The following NUMB variants were observed in gnomAD, a reference collection of about 807,000 sequenced individuals.
The protein encoded by NUMB is NUMB endocytic adaptor protein, also known as protein numb homolog.
NUMB carries 29 observed loss-of-function variants against 59.7 expected under a neutral mutation model. That is an observed-to-expected ratio of 0.49 (90% CI 0.36 to 0.66). NUMB has a LOEUF of 0.66. NUMB is among the 30% of genes least tolerant of loss of function. The pLI, the probability that NUMB is intolerant of heterozygous loss-of-function variation, is 0.00. For synonymous variants in NUMB, 288 were observed against 288.2 expected (o/e 1.00, Z 0.01); for missense variants, 723 against 822.0 (o/e 0.88, Z 1.47).
chr14:73,416,347 T>TA (rs1555380759), intron 1 of NUMB, among the ~76,000 whole-genome samples: 1 of 151,334 alleles, frequency 6.6e-6, no homozygotes, highest in Non-Finnish European at 1.5e-5. Context: ...TTTTTTTTTT[T>TA]ACTAGAATCA....
chr14:73,393,104 G>A (rs549332573), intron 2 of NUMB, among the ~76,000 whole-genome samples: 69 of 152,200 alleles, frequency 4.5e-4, no homozygotes, highest in Non-Finnish European at 3.2e-4. Flanking sequence ...AAGTTGAGAA[G>A]TTGAAAGGAA....
intron 4 of NUMB, among the ~76,000 whole-genome samples, chr14:73,332,983 A>C (rs1340985088): frequency 3.3e-5 from 5 of 152,244 alleles, no homozygotes; most frequent in South Asian, 2.1e-4. Flanking sequence ...TGTATGTACC[A>C]CAATTTTGTT....
intron 4 of NUMB, among the ~76,000 whole-genome samples, chr14:73,324,560 G>A (rs2036500033): frequency 6.6e-6 from 1 of 151,934 alleles, no homozygotes; most frequent in Non-Finnish European, 1.5e-5. Flanking sequence ...TGCACCTGGG[G>A]AATTGAGGTG....
chr14:73,287,829 G>C, intron 8 of NUMB, among the ~76,000 whole-genome samples: 1 of 152,190 alleles, frequency 6.6e-6, no homozygotes, highest in Non-Finnish European at 1.5e-5. Flanking sequence ...GGGGTAAAGT[G>C]ATAACCAGCA....
At chr14:73,399,213 T>C (rs576301152) in intron 2 of NUMB, among the ~76,000 whole-genome samples, 1 of 152,314 alleles carries the variant, frequency 6.6e-6, no homozygotes, top group East Asian at 1.9e-4. Flanking sequence ...CTTACTTACA[T>C]TAAGCATATT....
intron 1 of NUMB, among the ~76,000 whole-genome samples, chr14:73,422,331 A>T (rs1897384579): frequency 6.6e-6 from 1 of 152,008 alleles, no homozygotes; most frequent in Admixed American, 6.6e-5. Context: ...AGATCCAAAC[A>T]CGTCATAGTA....
chr14:73,361,471 AC>A (rs1182793074), intron 3 of NUMB, among the ~76,000 whole-genome samples: 3 of 150,790 alleles, frequency 2.0e-5, no homozygotes, highest in African/African-American at 7.3e-5. Context: ...TTTTTTTTTA[AC>A]TTTTATTTTC....
chr14:73,357,628 T>C (rs1893871608), intron 3 of NUMB, among the ~76,000 whole-genome samples: 1 of 151,784 alleles, frequency 6.6e-6, no homozygotes, highest in African/African-American at 2.4e-5. Flanking sequence ...TTGGGCGTGG[T>C]GGCACGCACC....
chr14:73,344,239 CATA>C (rs1892792110), intron 4 of NUMB, among the ~76,000 whole-genome samples: 1 of 152,078 alleles, frequency 6.6e-6, no homozygotes, highest in South Asian at 2.1e-4. Flanking sequence ...TCTAATTTGG[CATA>C]ATACTTTGCA....
Position 73,445,354 on chromosome 14 carries a change from C to CAAAAAA in NUMB, c.-233+13133_-233+13138dup, listed in dbSNP as rs752154048. ...TGAGTGACAAAGTGAGACCCTGTCT[C>CAAAAAA]AAAAAAAAAAAAAAAAAAAAAAAAA... On this transcript the variant is annotated intron_variant, in intron 1 of 12. Coordinates refer to ENST00000555238, the MANE Select transcript of NUMB (RefSeq NM_001005743.2). Among the ~76,000 whole-genome samples the CAAAAAA allele has an allele frequency of 2.2e-3, 129 of 57,556 alleles. 14 individuals carry two copies. The highest frequency in any genetic ancestry group is 4.8e-3 in the East Asian group (4 of 830). 37.8% of individuals were successfully genotyped at this position (57,556 alleles called of 152,430 possible).
chr14:73,283,841 T>C (rs553350603), intron 10 of NUMB, among the ~76,000 whole-genome samples: 28 of 152,324 alleles, frequency 1.8e-4, no homozygotes, highest in Admixed American at 6.5e-4. Context: ...ACAAATCTTA[T>C]GGCTTAGGCT....
rs758200518 is a variant in NUMB at position 73,395,030 on chromosome 14, CGTGTGTTTGTGTGTGTGT to C, written c.-101+14889_-101+14906del. ...ATCTCCTTTAAGGTTGAATAGTATT[CGTGTGTTTGTGTGTGTGT>C]GTGTGTGTGTGTGTGTGTGTGTGTG... On this transcript the variant is annotated intron_variant, in intron 2 of 12. Transcript: ENST00000555238. 9.4e-3 allele frequency among the ~76,000 whole-genome samples: 547 copies of C among 58,336 alleles called. 1 individual carries two copies. Among genetic ancestry groups the C allele is most frequent in the Non-Finnish European group, 0.011 (263 of 23,390 alleles). 38.3% of individuals were successfully genotyped at this position (58,336 alleles called of 152,430 possible).
chr14:73,421,373 C>T (rs1434210774), intron 1 of NUMB, among the ~76,000 whole-genome samples: 4 of 151,900 alleles, frequency 2.6e-5, no homozygotes, highest in Non-Finnish European at 2.9e-5. Context: ...TTAGTAGAGA[C>T]GGGGTTTCAC....
chr14:73,313,696 A>T (rs1006469487), intron 6 of NUMB, among the ~76,000 whole-genome samples: 2 of 150,290 alleles, frequency 1.3e-5, no homozygotes, highest in Non-Finnish European at 3.0e-5. Context: ...TCCAAAATCC[A>T]TAACCCTTCA....
intron 2 of NUMB, among the ~76,000 whole-genome samples, chr14:73,384,819 C>T (rs938542824): frequency 2.6e-5 from 4 of 151,944 alleles, no homozygotes; most frequent in South Asian, 4.1e-4. Flanking sequence ...CTCAAGTGAT[C>T]CTCCTGCCTC....
At chr14:73,279,580 T>A in intron 11 of NUMB, among the ~76,000 whole-genome samples, 156 bp from the exon 12 acceptor site, 1 of 152,328 alleles carries the variant, frequency 6.6e-6, no homozygotes. Context: ...TTGCATTGGA[T>A]GTACATACCA....
At chr14:73,338,750 C>A (rs1039956733) in intron 4 of NUMB, among the ~76,000 whole-genome samples, 3 of 152,128 alleles carry the variant, frequency 2.0e-5, no homozygotes, top group Non-Finnish European at 4.4e-5. Flanking sequence ...AAAATTATTC[C>A]TGGGTAGCAG....
rs1220884553 is a variant in NUMB, at chr14:73,355,665, T to C, written c.87A>G (p.Glu29=). The C allele has an allele frequency of 6.2e-7, 1 of 1,613,926 alleles. No individual in the cohort carries two copies. Among genetic ancestry groups the C allele is most frequent in the South Asian group, 1.1e-5 (1 of 91,050 alleles). The change falls in exon 4 of 13, where the codon GAA becomes GAG. Residue 29 remains glutamate, a synonymous_variant. Transcript: ENST00000555238. ...TACATTTTCCGGTGCGAACGCCTTC[T>C]TCATCTGTCTGCCACTGATGTGGAC... ...ASRPHQWQTD[E]EGVRTGKCSF... is the part of the protein sequence containing the mutation.
intron 3 of NUMB, among the ~76,000 whole-genome samples, chr14:73,366,004 T>C (rs1894327789): frequency 6.6e-6 from 1 of 152,224 alleles, no homozygotes; most frequent in Admixed American, 6.5e-5. Context: ...CAACATTTTA[T>C]GTAATACATG....
Sources: allele counts gnomAD v4.1 joint callset (sites outside exome capture counted in the v4.1 genomes callset), GRCh38; gene constraint gnomAD v4.1.1; transcripts MANE v1.5; gene names NCBI Gene and HGNC (gene_info 2026-07-23, HGNC 2026-07-21).